The following STXBP5L variants were observed in gnomAD, a reference collection of about 807,000 sequenced individuals.
The protein encoded by STXBP5L is syntaxin-binding protein 5-like.
In STXBP5L, 65 loss-of-function variants were observed where a neutral mutation model predicts 144.5. That is an observed-to-expected ratio of 0.45 (90% CI 0.37 to 0.55). The LOEUF (loss-of-function observed/expected upper bound fraction) is 0.55, where lower values mean the gene tolerates loss of function less well. STXBP5L is among the 20% of genes least tolerant of loss of function. STXBP5L has a pLI of 0.00. For missense variants in STXBP5L, 1,298 were observed against 1,405.5 expected, an observed-to-expected ratio of 0.92 and a Z score of 1.22; for synonymous variants, 505 against 469.6, an observed-to-expected ratio of 1.08 and a Z score of -0.97.
intron 7 of STXBP5L, among the ~76,000 whole-genome samples, chr3:121,129,134 G>C (rs2044855203): frequency 6.6e-6 from 1 of 152,042 alleles, no homozygotes; most frequent in Non-Finnish European, 1.5e-5. Context: ...TCTCACAGTA[G>C]ATCTAGTGGG....
chr3:121,111,647 T>C lies in STXBP5L; in HGVS notation c.471-3278T>C, dbSNP rs560524056. Among the ~76,000 whole-genome samples, 130 of 152,232 alleles carry C rather than the reference T, an allele frequency of 8.5e-4. No homozygotes were observed. The Middle Eastern group carries it at 0.014, about 16-fold the overall frequency. On this transcript the variant is annotated intron_variant, in intron 5 of 26. Coordinates refer to ENST00000471454, the MANE Select transcript of STXBP5L (RefSeq NM_001308330.2). ...GGCACCAACCTTATTCCAGCAGGAA[T>C]GGTCCTAAATAAGGTGTCTGGTGAC...
intron 19 of STXBP5L, among the ~76,000 whole-genome samples, chr3:121,314,584 G>GGAGGGA (rs201065950): frequency 2.8e-3 from 360 of 129,382 alleles, no homozygotes; most frequent in Admixed American, 4.9e-3. Context: ...GGGAGACCGT[G>GGAGGGA]GAGGGAGAGG....
intron 3 of STXBP5L, among the ~76,000 whole-genome samples, chr3:121,008,818 G>C (rs1271941616): frequency 6.6e-6 from 1 of 151,982 alleles, no homozygotes; most frequent in Non-Finnish European, 1.5e-5. Context: ...TTATGTTTCT[G>C]AGATAGTGGT....
At position 121,398,951 on chromosome 3, in the gene STXBP5L, G is replaced by A. The variant is rs187207292; in HGVS notation, c.2588-8292G>A. 3.9e-5 allele frequency among the ~76,000 whole-genome samples: 6 copies of A among 152,198 alleles called. No homozygotes were observed. In the East Asian group the frequency reaches 7.7e-4, roughly 20 times the overall value. On this transcript the variant is annotated intron_variant, in intron 22 of 26. Transcript: ENST00000471454. ...AGAGTGGTCGCTCGAGGCACTGCTC[G>A]AACAGACACTGGGGCAACTACTTTT... is the stretch of plus-strand genomic sequence containing the variant.
chr3:121,072,849 T>C (rs1397370216), intron 5 of STXBP5L, among the ~76,000 whole-genome samples: 1 of 152,224 alleles, frequency 6.6e-6, no homozygotes, highest in Non-Finnish European at 1.5e-5. Context: ...TTTCCTTTCC[T>C]TCAGTAGTTA....
chr3:121,326,180 G>A (rs207463675), intron 20 of STXBP5L, among the ~76,000 whole-genome samples: 6 of 151,918 alleles, frequency 3.9e-5, no homozygotes, highest in Non-Finnish European at 8.8e-5. Flanking sequence ...GATGAAGGTA[G>A]TGTCACAACA....
chr3:121,145,952 G>A (rs1054571959), intron 7 of STXBP5L, among the ~76,000 whole-genome samples: 5 of 152,002 alleles, frequency 3.3e-5, no homozygotes, highest in African/African-American at 4.8e-5. Context: ...CAAAAAAGAC[G>A]AAAGGTGAAT....
intron 20 of STXBP5L, among the ~76,000 whole-genome samples, chr3:121,366,246 T>C (rs1260970975): frequency 1.3e-5 from 2 of 151,970 alleles, no homozygotes; most frequent in Non-Finnish European, 1.5e-5. Flanking sequence ...TGTTGATGTA[T>C]AGAGTGTTAT....
At chr3:121,360,116 A>G (rs961116950) in intron 20 of STXBP5L, among the ~76,000 whole-genome samples, 1 of 147,616 alleles carries the variant, frequency 6.8e-6, no homozygotes, top group African/African-American at 2.5e-5. Context: ...AAATTGTTAT[A>G]TCCTCTTGCT....
intron 5 of STXBP5L, among the ~76,000 whole-genome samples, chr3:121,108,879 C>T (rs1576981175): frequency 2.0e-5 from 3 of 152,078 alleles, no homozygotes; most frequent in Admixed American, 6.6e-5. Context: ...TTACTACTGC[C>T]TCAGTTTCAG....
chr3:121,113,866 G>A (rs920137234), intron 5 of STXBP5L, among the ~76,000 whole-genome samples: 3 of 151,682 alleles, frequency 2.0e-5, no homozygotes, highest in African/African-American at 4.8e-5. Flanking sequence ...TAGAGTCGGG[G>A]TTTCACCATG....
chr3:121,157,452 T>G, intron 8 of STXBP5L, 52 bp from the exon 9 acceptor site: 1 of 1,509,226 alleles, frequency 6.6e-7, no homozygotes, highest in Non-Finnish European at 8.8e-7. Context: ...TAGAATGATA[T>G]AACCTATCTA....
intron 18 of STXBP5L, among the ~76,000 whole-genome samples, chr3:121,275,155 TTAAG>T (rs1453715454): frequency 6.6e-6 from 1 of 152,186 alleles, no homozygotes; most frequent in African/African-American, 2.4e-5. Context: ...GTACTTTTAA[TTAAG>T]TCTTAAGATT....
intron 3 of STXBP5L, among the ~76,000 whole-genome samples, chr3:120,978,156 A>T (rs528208401): frequency 7.2e-5 from 11 of 152,236 alleles, no homozygotes; most frequent in African/African-American, 2.4e-4. Context: ...ACTTGGTTCC[A>T]TTCTCCCTGT....
At chr3:121,312,446 C>CTTTTTTTTTTTTT (rs58989280) in intron 19 of STXBP5L, among the ~76,000 whole-genome samples, 3 of 12,752 alleles carry the variant, frequency 2.4e-4, no homozygotes, top group Non-Finnish European at 3.5e-4. Flanking sequence ...GTATGTCAAT[C>CTTTTTTTTTTTTT]TTTTTTTTTT....
In STXBP5L at chr3:120,937,610, T is replaced by G. The variant is rs775705034; in HGVS notation, c.190-17330T>G. Among the ~76,000 whole-genome samples the G allele has an allele frequency of 3.3e-4, 50 of 152,212 alleles. 1 individual carries two copies. The highest frequency in any genetic ancestry group is 1.2e-4 in the Non-Finnish European group (8 of 68,028). ...TTGTCCTGTGACCTTAGTTTTCTGA[T>G]GGATCTAAAGAAAGTTGTTGATTTT... On this transcript the variant is annotated intron_variant, in intron 2 of 26. Coordinates refer to ENST00000471454, the MANE Select transcript of STXBP5L (RefSeq NM_001308330.2).
chr3:121,342,857 T>C (rs1414155053), intron 20 of STXBP5L, among the ~76,000 whole-genome samples: 2 of 149,426 alleles, frequency 1.3e-5, no homozygotes, highest in African/African-American at 5.0e-5. Context: ...TTTGGGTACA[T>C]ACCCAGTAAT....
chr3:120,999,180 G>C (rs1277540395), intron 3 of STXBP5L, among the ~76,000 whole-genome samples: 1 of 152,090 alleles, frequency 6.6e-6, no homozygotes, highest in Non-Finnish European at 1.5e-5. Flanking sequence ...AGCCTCCCGA[G>C]TAGCTGGGAC....
At chr3:121,344,960 A>ATT (rs1039424243) in intron 20 of STXBP5L, among the ~76,000 whole-genome samples, 1 of 150,158 alleles carries the variant, frequency 6.7e-6, no homozygotes, top group African/African-American at 2.4e-5. Context: ...TATATATAAG[A>ATT]TTATATATAT....
Sources: gnomAD v4.1 joint callset for allele counts (sites outside exome capture counted in the v4.1 genomes callset) on GRCh38, gnomAD v4.1.1 for gene constraint, MANE v1.5 for transcripts, NCBI Gene and HGNC (gene_info 2026-07-23, HGNC 2026-07-21) for gene names.